ZNF185: variants seen among roughly 807,000 people sequenced by gnomAD.
ZNF185 encodes zinc finger protein 185.
In ZNF185, 56 loss-of-function variants were observed where a neutral mutation model predicts 58.6. The ratio of observed to expected loss-of-function variants is 0.95; its 90% CI spans 0.77 to 1.19. The LOEUF is 1.19. Ranked by LOEUF, ZNF185 falls within the 50% of genes most tolerant of loss-of-function variation. The pLI is 0.00. For synonymous variants in ZNF185, 230 were observed against 215.9 expected, an observed-to-expected ratio of 1.07 and a Z score of -0.57; for missense variants, 627 against 573.5, an observed-to-expected ratio of 1.09 and a Z score of -0.95.
intron 19 of ZNF185, among the ~76,000 whole-genome samples, chrX:152,966,494 G>C (rs2050126627): frequency 9.0e-6 from 1 of 111,135 alleles, no homozygotes; most frequent in South Asian, 3.8e-4. Context: ...TGGTGCTGTG[G>C]AATGATGAGC....
chrX:152,957,466 A>G (rs782110182), intron 16 of ZNF185, among the ~76,000 whole-genome samples: 5 of 112,139 alleles, frequency 4.5e-5, no homozygotes, highest in Non-Finnish European at 3.8e-5. Context: ...AGGAGTCTAG[A>G]GTAGTTAATT....
chrX:152,969,255 C>G (rs1250851474), intron 20 of ZNF185, 127 bp from the exon 23 acceptor site: 12 of 515,715 alleles, frequency 2.3e-5, no homozygotes, highest in Non-Finnish European at 2.3e-5. Flanking sequence ...CCACAGAAAA[C>G]AGTGGCATCC....
chrX:152,949,080 G>A (rs1045905916), intron 16 of ZNF185, among the ~76,000 whole-genome samples: 1 of 106,511 alleles, frequency 9.4e-6, no homozygotes, highest in African/African-American at 3.3e-5. Context: ...GAGCAGTGAC[G>A]GAGAGGGAAG....
At position 152,931,862 on chromosome X, in the gene ZNF185, G is replaced by A. The variant is rs1556877752; in HGVS notation, c.1022+86G>A. 6 of 838,070 alleles carry A rather than the reference G, an allele frequency of 7.2e-6. No individual in the cohort carries two copies. The Admixed American group carries it at 1.6e-4, about 22-fold the overall frequency. The allele number at this position is 838,070 out of a possible 1,213,427, so 69.1% of individuals were successfully genotyped here. A position where few individuals can be genotyped will look rare whatever the true frequency, so the allele number is the denominator to read the frequency against. On this transcript the variant is annotated intron_variant, in intron 13 of 22. Transcript: ENST00000449285. The stretch of plus-strand genomic sequence containing the variant: ...CTGAAGGACTTCCATGGCCTCCGGT[G>A]CAATGTCAATGGATGCAGCTGGGGC...
At chrX:152,967,064 T>TA in intron 19 of ZNF185, 103 bp from the exon 22 acceptor site, 1 of 783,450 alleles carries the variant, frequency 1.3e-6, no homozygotes, top group Non-Finnish European at 1.9e-6. Context: ...ACTGGCATCG[T>TA]AGTTATGTCT....
At position 152,949,431 on chromosome X, in the gene ZNF185, G is replaced by A. The variant is rs12687563; in HGVS notation, c.1409+3967G>A. On this transcript the variant is annotated intron_variant, in intron 16 of 22. Coordinates refer to ENST00000449285, the Ensembl canonical transcript of ZNF185. ...GCGACTGTAGACAAATCCCCTTTCC[G>A]GGCCCCCTGGGGTTCTCTATTTGCA... 1.8e-3 allele frequency among the ~76,000 whole-genome samples: 199 copies of A among 112,297 alleles called. 2 individuals carry two copies. In the South Asian group the frequency reaches 0.044, roughly 25 times the overall value.
chrX:152,914,322 C>T (rs1937888766), upstream of ZNF185: 3 of 468,219 alleles, frequency 6.4e-6, no homozygotes, highest in Non-Finnish European at 1.1e-5. Flanking sequence ...ACTCCACCAA[C>T]GCTTGCCACC....
exon 4 of ZNF185, chrX:152,917,149 T>C: frequency 1.7e-6 from 2 of 1,209,827 alleles, no homozygotes; most frequent in Non-Finnish European, 2.2e-6. Context: ...GCACAAGGGC[T>C]CCCACTGGCT....
intron 16 of ZNF185, among the ~76,000 whole-genome samples, chrX:152,957,144 T>C (rs1378439205): frequency 9.2e-6 from 1 of 108,529 alleles, no homozygotes; most frequent in African/African-American, 3.4e-5. Context: ...CTCGGCTCAC[T>C]GCAACCTCTG....
intron 8 of ZNF185, 21 bp from the exon 10 acceptor site, chrX:152,920,686 G>A: frequency 8.3e-7 from 1 of 1,211,991 alleles, no homozygotes; most frequent in Non-Finnish European, 1.1e-6. Flanking sequence ...CCAAAGCATT[G>A]CCTTTCTGCT....
chrX:152,938,568 T>C (rs1556884956), intron 15 of ZNF185, among the ~76,000 whole-genome samples: 1 of 110,873 alleles, frequency 9.0e-6, no homozygotes, highest in Non-Finnish European at 1.9e-5. Context: ...ATGGGGACTG[T>C]ATGTAGCTGG....
chrX:152,916,218 A>G (rs1276234098), intron 3 of ZNF185, among the ~76,000 whole-genome samples: 3 of 111,582 alleles, frequency 2.7e-5, no homozygotes, highest in African/African-American at 9.8e-5. Context: ...GTTGGAGACT[A>G]CCGGAGGCTC....
exon 23 of ZNF185, chrX:152,971,756 ATTTT>A (rs1159254680): frequency 2.7e-5 from 3 of 111,994 alleles, no homozygotes; most frequent in Non-Finnish European, 5.6e-5. Flanking sequence ...TGCCATATCT[ATTTT>A]TTTTAAATTT....
Position 152,941,668 on chromosome X carries a change from C to G in ZNF185, c.1211+3505C>G, listed in dbSNP as rs1200960998. The G allele has an allele frequency of 1.6e-5, 19 of 1,161,597 alleles. No homozygotes were observed. In the East Asian group the frequency reaches 3.0e-4, roughly 18 times the overall value. ...CATTTCTTGAAGCCCCGAACTCGGT[C>G]GCAGTGCCCGCCGGGAAAATGCGAC... On this transcript the variant is annotated intron_variant, in intron 15 of 22. Transcript: ENST00000449285.
upstream of ZNF185, among the ~76,000 whole-genome samples, chrX:152,912,409 CTTTGGAAGTGGCTTA>C (rs782154821): frequency 2.2e-4 from 25 of 111,687 alleles, no homozygotes; most frequent in East Asian, 6.1e-3. Context: ...TCTGTCTTGA[CTTTGGAAGTGGCTTA>C]TTTGGTCCTG....
At chrX:152,937,747 C>A (rs1187657548) in intron 14 of ZNF185, among the ~76,000 whole-genome samples, 4 of 112,441 alleles carry the variant, frequency 3.6e-5, no homozygotes, top group African/African-American at 1.3e-4. Flanking sequence ...GCCTGGATAT[C>A]CCCCTCTGCC....
intron 15 of ZNF185, 118 bp from the exon 18 acceptor site, chrX:152,945,149 C>A: frequency 1.2e-6 from 1 of 836,601 alleles, no homozygotes; most frequent in Non-Finnish European, 1.7e-6. Context: ...TTCTGCCCCG[C>A]TTTCAGGGAT....
chrX:152,914,818 C>T (rs1382376421), exon 2 of ZNF185: 4 of 1,184,061 alleles, frequency 3.4e-6, no homozygotes, highest in Non-Finnish European at 4.5e-6. Flanking sequence ...CAGGATGAAT[C>T]GGAGGGTCGC....
intron 17 of ZNF185, among the ~76,000 whole-genome samples, chrX:152,960,200 G>T (rs782274808): frequency 8.9e-6 from 1 of 112,039 alleles, no homozygotes; most frequent in Non-Finnish European, 1.9e-5. Context: ...GATATAGGTT[G>T]CTTTTTCTGT....
Sources: gnomAD v4.1 joint callset for allele counts (sites outside exome capture counted in the v4.1 genomes callset) on GRCh38, gnomAD v4.1.1 for gene constraint, MANE v1.5 for transcripts, NCBI Gene and HGNC (gene_info 2026-07-23, HGNC 2026-07-21) for gene names.